The following FHOD3 variants were observed in gnomAD, a reference collection of about 807,000 sequenced individuals.
FHOD3 encodes formin homology 2 domain containing 3, also known as FH1/FH2 domain-containing protein 3.
A neutral mutation model predicts 173.0 loss-of-function variants in FHOD3; 90 were observed. The ratio of observed to expected loss-of-function variants is 0.52; its 90% CI spans 0.44 to 0.62. FHOD3 has a LOEUF of 0.62. Ranked by LOEUF, FHOD3 falls within the 20% of genes least tolerant of loss-of-function variation. The probability of loss-of-function intolerance (pLI) is 0.00; values close to 1 mark genes in which losing one functional copy is unlikely to be tolerated. For missense variants in FHOD3, 1,945 were observed against 2,034.7 expected (o/e 0.96, Z 0.85); for synonymous variants, 828 against 823.0 (o/e 1.01, Z -0.10).
At chr18:36,478,448 TA>T (rs2053706631) in intron 3 of FHOD3, among the ~76,000 whole-genome samples, 1 of 152,238 alleles carries the variant, frequency 6.6e-6, no homozygotes, top group Non-Finnish European at 1.5e-5. Flanking sequence ...TATTTTTAAA[TA>T]TACAATTATT....
chr18:36,615,965 C>T (rs1042073970), intron 9 of FHOD3, among the ~76,000 whole-genome samples: 1 of 152,218 alleles, frequency 6.6e-6, no homozygotes, highest in Non-Finnish European at 1.5e-5. Context: ...CACCAGCTGG[C>T]CAGCTCTTTG....
chr18:36,493,889 G>A (rs965197800), intron 3 of FHOD3, among the ~76,000 whole-genome samples: 3 of 152,168 alleles, frequency 2.0e-5, no homozygotes, highest in African/African-American at 7.2e-5. Context: ...GTTTTCCCAC[G>A]GGGAGCTTCG....
At chr18:36,328,022 A>G (rs992716129) in intron 1 of FHOD3, among the ~76,000 whole-genome samples, 1 of 152,172 alleles carries the variant, frequency 6.6e-6, no homozygotes, top group Non-Finnish European at 1.5e-5. Context: ...CTTCTCTGTT[A>G]ACAGCATCAC....
At chr18:36,650,006 C>G (rs1011572990) in intron 11 of FHOD3, among the ~76,000 whole-genome samples, 2 of 152,164 alleles carry the variant, frequency 1.3e-5, no homozygotes. Flanking sequence ...ATGGTGCTTT[C>G]TTTCTATCCT....
At chr18:36,542,449 C>G (rs1193792146) in intron 5 of FHOD3, among the ~76,000 whole-genome samples, 1 of 151,884 alleles carries the variant, frequency 6.6e-6, no homozygotes, top group Non-Finnish European at 1.5e-5. Flanking sequence ...TTCTACAAGT[C>G]AAAACAAAAA....
At chr18:36,446,386 C>T (rs1708697) in intron 3 of FHOD3, among the ~76,000 whole-genome samples, 1 of 151,162 alleles carries the variant, frequency 6.6e-6, no homozygotes, top group African/African-American at 2.4e-5. Context: ...ATTTCTCCTA[C>T]TCAGCAGCCC....
chr18:36,422,456 A>G (rs1790642), intron 3 of FHOD3, among the ~76,000 whole-genome samples: 122,853 of 152,172 alleles, frequency 0.81, 50,243 homozygotes, highest in South Asian at 0.93. Context: ...CGTTGCATAT[A>G]TGACATTTTG....
At chr18:36,653,053 C>G in intron 12 of FHOD3, 124 bp downstream of exon 12, 2 of 1,304,462 alleles carry the variant, frequency 1.5e-6, no homozygotes, top group Non-Finnish European at 1.0e-6. Context: ...AAGCAGGGAG[C>G]AGTTGTGGCA....
intron 19 of FHOD3, among the ~76,000 whole-genome samples, chr18:36,730,408 A>G (rs556560543): frequency 1.3e-5 from 2 of 152,116 alleles, no homozygotes; most frequent in Non-Finnish European, 2.9e-5. Flanking sequence ...TTGAAGGAAA[A>G]TCCATTTTAT....
intron 17 of FHOD3, among the ~76,000 whole-genome samples, chr18:36,694,553 A>G (rs1447277021): frequency 6.6e-6 from 1 of 152,256 alleles, no homozygotes; most frequent in Non-Finnish European, 1.5e-5. Flanking sequence ...AGACTGTTCT[A>G]TAACAGCCGT....
intron 27 of FHOD3, among the ~76,000 whole-genome samples, chr18:36,766,110 GATA>G (rs2043128416): frequency 6.6e-6 from 1 of 152,084 alleles, no homozygotes; most frequent in African/African-American, 2.4e-5. Context: ...ATGGTGCAAT[GATA>G]ATAATGATGG....
At chr18:36,494,124 CT>C (rs920204528) in intron 3 of FHOD3, among the ~76,000 whole-genome samples, 2 of 152,122 alleles carry the variant, frequency 1.3e-5, no homozygotes, top group Non-Finnish European at 2.9e-5. Flanking sequence ...TCTGGTCTGT[CT>C]TTCCCCACAC....
In FHOD3 at chr18:36,476,303, T is replaced by G. The variant is rs2145305604; in HGVS notation, c.338-25629T>G. On this transcript the variant is annotated intron_variant, in intron 3 of 28. Transcript: ENST00000590592. ...AGGGCCTGAGAAGCAGGACCATCTT[T>G]CCCAGGGGCATGGAAGGTGATGCCA... Among the ~76,000 whole-genome samples the G allele has an allele frequency of 1.3e-5, 2 of 152,322 alleles. 1 individual carries two copies. Among genetic ancestry groups the G allele is most frequent in the Middle Eastern group, 6.8e-3 (2 of 294 alleles).
chr18:36,638,641 C>T (rs1350956789), intron 10 of FHOD3, among the ~76,000 whole-genome samples: 4 of 152,142 alleles, frequency 2.6e-5, no homozygotes, highest in African/African-American at 7.2e-5. Context: ...CTAAAATAAC[C>T]CATGTTCAGG....
At chr18:36,555,346 TTTTA>T (rs977165465) in intron 5 of FHOD3, among the ~76,000 whole-genome samples, 1 of 152,104 alleles carries the variant, frequency 6.6e-6, no homozygotes, top group Non-Finnish European at 1.5e-5. Flanking sequence ...ACCAGAGTTT[TTTTA>T]TTTGTTTATA....
intron 20 of FHOD3, among the ~76,000 whole-genome samples, chr18:36,732,659 A>G (rs1011407553): frequency 1.3e-5 from 2 of 152,316 alleles, no homozygotes; most frequent in Middle Eastern, 3.4e-3. Context: ...AGCAGGGGAC[A>G]TGAAGGAGTG....
At chr18:36,329,299 C>T (rs1001474850) in intron 1 of FHOD3, among the ~76,000 whole-genome samples, 4 of 152,146 alleles carry the variant, frequency 2.6e-5, no homozygotes, top group Non-Finnish European at 5.9e-5. Context: ...GTCCGCCCAA[C>T]GAACCACTCT....
At position 36,361,426 on chromosome 18, in the gene FHOD3, T is replaced by A. The variant is rs1322428931; in HGVS notation, c.272+5781T>A. Among the ~76,000 whole-genome samples, 6 of 152,138 alleles carry A rather than the reference T, an allele frequency of 3.9e-5. No homozygotes were observed. In the East Asian group the frequency reaches 5.8e-4, roughly 15 times the overall value. ...CCAGGCTGGGCATGGTGGCTCACGC[T>A]TGTAATCCCAGCACTTTGGGAGGCC... On this transcript the variant is annotated intron_variant, in intron 2 of 28. Transcript: ENST00000590592.
intron 5 of FHOD3, among the ~76,000 whole-genome samples, chr18:36,560,523 G>A (rs769744173): frequency 3.3e-5 from 5 of 152,188 alleles, no homozygotes; most frequent in African/African-American, 7.2e-5. Flanking sequence ...GTGGAGTAAC[G>A]GGTCTGATCA....
Sources: allele counts gnomAD v4.1 joint callset (sites outside exome capture counted in the v4.1 genomes callset), GRCh38; gene constraint gnomAD v4.1.1; transcripts MANE v1.5; gene names NCBI Gene and HGNC (gene_info 2026-07-23, HGNC 2026-07-21).